Variants in PLSCR4 observed in about 807,000 individuals in gnomAD.
The protein encoded by PLSCR4 is phospholipid scramblase 4.
PLSCR4 carries 25 observed loss-of-function variants against 36.3 expected under a neutral mutation model. The observed-to-expected ratio is 0.69, with a 90% CI of 0.50 to 0.96. The LOEUF (loss-of-function observed/expected upper bound fraction) is 0.96. Ranked by LOEUF, PLSCR4 falls within the 40% of genes least tolerant of loss-of-function variation. PLSCR4 has a pLI of 0.00. For missense variants in PLSCR4, 408 were observed against 414.7 expected (o/e 0.98, Z 0.14); for synonymous variants, 122 against 132.9 (o/e 0.92, Z 0.56).
intron 3 of PLSCR4, among the ~76,000 whole-genome samples, chr3:146,214,513 G>A (rs533349591): frequency 1.5e-4 from 22 of 150,964 alleles, no homozygotes; most frequent in African/African-American, 4.4e-4. Flanking sequence ...ACTGTGTTTC[G>A]TTTTCATTCA....
chr3:146,196,133 T>C (rs1328181408), intron 7 of PLSCR4, among the ~76,000 whole-genome samples: 1 of 152,192 alleles, frequency 6.6e-6, no homozygotes, highest in African/African-American at 2.4e-5. Context: ...GAAAAAAATG[T>C]TAAAACTATT....
At chr3:146,201,142 A>T in intron 4 of PLSCR4, 65 bp from the exon 5 acceptor site, 2 of 957,332 alleles carry the variant, frequency 2.1e-6, no homozygotes, top group Non-Finnish European at 3.1e-6. Context: ...ACTGTAAAAT[A>T]AACTGATGAA....
intron 1 of PLSCR4, among the ~76,000 whole-genome samples, chr3:146,237,184 C>T (rs1190064690): frequency 2.0e-5 from 3 of 152,070 alleles, no homozygotes; most frequent in Admixed American, 6.6e-5. Context: ...CTATACTAAT[C>T]TTATACAAAT....
Position 146,206,561 on chromosome 3 carries a change from C to T in PLSCR4, c.319G>A (p.Ala107Thr). Residue 107 changes from alanine to threonine, a missense_variant, in exon 4 of 9, where the codon GCA becomes ACA. Ala to Thr is a moderately conservative substitution (Grantham distance 58). Coordinates refer to ENST00000354952, the MANE Select transcript of PLSCR4 (RefSeq NM_020353.3). Reference protein sequence around the residue: ...ITWMPGPTPMANCPPGLEYLV... With the variant: ...ITWMPGPTPMTNCPPGLEYLV... ...TATTCCAGACCAGGAGGGCAGTTTG[C>T]CATAGGAGTTGGCCCTGGCATCCAT... 6.2e-7 allele frequency: 1 copy of T among 1,613,326 alleles called. No individual in the cohort carries two copies. Among genetic ancestry groups the T allele is most frequent in the Non-Finnish European group, 8.5e-7 (1 of 1,179,528 alleles).
At chr3:146,230,274 T>C (rs960639005) in intron 1 of PLSCR4, among the ~76,000 whole-genome samples, 7 of 152,200 alleles carry the variant, frequency 4.6e-5, no homozygotes, top group Non-Finnish European at 1.0e-4. Context: ...AAAAGTAGTA[T>C]GTTTTCCTTT....
chr3:146,217,396 A>G (rs2034947842), intron 3 of PLSCR4, among the ~76,000 whole-genome samples: 2 of 152,244 alleles, frequency 1.3e-5, no homozygotes, highest in African/African-American at 4.8e-5. Flanking sequence ...TGCAGGACGA[A>G]CTGCTGTGTG....
intron 1 of PLSCR4, among the ~76,000 whole-genome samples, chr3:146,224,312 G>C (rs534038963): frequency 6.6e-6 from 1 of 152,288 alleles, no homozygotes; most frequent in East Asian, 1.9e-4. Context: ...CTGTGCACGT[G>C]GACAGAGATG....
chr3:146,206,959 T>G (rs2034369001), intron 3 of PLSCR4, among the ~76,000 whole-genome samples, 198 bp from the exon 4 acceptor site: 1 of 152,142 alleles, frequency 6.6e-6, no homozygotes, highest in Admixed American at 6.6e-5. Flanking sequence ...ATTAATTCAT[T>G]TAATCCTCTT....
intron 1 of PLSCR4, among the ~76,000 whole-genome samples, chr3:146,242,406 G>A (rs1214988162): frequency 2.0e-5 from 3 of 152,128 alleles, no homozygotes; most frequent in African/African-American, 4.8e-5. Context: ...TGTACTCACT[G>A]CTCTTTCGCA....
intron 6 of PLSCR4, 74 bp downstream of exon 6, chr3:146,199,739 T>C (rs1576448637): frequency 1.7e-6 from 2 of 1,184,906 alleles, no homozygotes; most frequent in South Asian, 2.6e-5. Context: ...CCTCCCTATG[T>C]AGTGGAAGGA....
intron 4 of PLSCR4, among the ~76,000 whole-genome samples, chr3:146,204,876 C>G (rs1411436026): frequency 1.3e-5 from 2 of 151,992 alleles, no homozygotes; most frequent in East Asian, 3.9e-4. Flanking sequence ...TACTCTAGCA[C>G]TTCACCTGAA....
intron 1 of PLSCR4, among the ~76,000 whole-genome samples, chr3:146,229,581 A>ATTTTAC (rs1553754685): frequency 7.5e-6 from 1 of 132,826 alleles, no homozygotes; most frequent in East Asian, 2.1e-4. Flanking sequence ...GATTTTTATC[A>ATTTTAC]TTTTATTTTT....
Position 146,196,695 on chromosome 3 carries a change from T to G in PLSCR4, c.723A>C (p.Glu241Asp). The G allele has an allele frequency of 6.2e-7, 1 of 1,614,052 alleles. No homozygotes were observed. The change falls in exon 7 of 9, where the codon GAA becomes GAC. Residue 241 changes from glutamate (E) to aspartate (D), a missense_variant. Glu to Asp is a conservative substitution (Grantham distance 45). Coordinates refer to ENST00000354952, the MANE Select transcript of PLSCR4 (RefSeq NM_020353.3). ...ATGGCCCACGAACTCTCATCACATT[T>G]TCTTTCTTCTCATTTTGGATGCTGT... Reference protein sequence around the residue: ...AVYSIQNEKKENVMRVRGPCS... With the variant: ...AVYSIQNEKKDNVMRVRGPCS...
intron 3 of PLSCR4, among the ~76,000 whole-genome samples, chr3:146,214,868 G>A (rs769043716): frequency 1.8e-4 from 28 of 151,950 alleles, no homozygotes; most frequent in Non-Finnish European, 2.6e-4. Flanking sequence ...TGTAAGTGGG[G>A]TATAACAGTC....
intron 1 of PLSCR4, among the ~76,000 whole-genome samples, chr3:146,233,057 A>G (rs565912623): frequency 4.0e-4 from 61 of 152,240 alleles, no homozygotes; most frequent in East Asian, 2.1e-3. Context: ...GACAAAAACA[A>G]TGCTTTATAT....
At chr3:146,219,560 C>CT (rs1217273836) in intron 3 of PLSCR4, among the ~76,000 whole-genome samples, 4 of 152,192 alleles carry the variant, frequency 2.6e-5, no homozygotes, top group Admixed American at 1.3e-4. Flanking sequence ...AATCCTGATG[C>CT]TTTCAGAAAA....
chr3:146,223,893 A>G (rs1347938635), intron 1 of PLSCR4: 1 of 147,370 alleles, frequency 6.8e-6, no homozygotes, highest in East Asian at 1.9e-4. Context: ...TTTTACATTT[A>G]TATTTTAAAT....
At chr3:146,242,156 G>A (rs1028272106) in intron 1 of PLSCR4, among the ~76,000 whole-genome samples, 6 of 152,126 alleles carry the variant, frequency 3.9e-5, no homozygotes, top group Non-Finnish European at 5.9e-5. Flanking sequence ...ATTTATGTAC[G>A]TCACTTCTTT....
Position 146,201,094 on chromosome 3 carries a change from AAG to A in PLSCR4, c.355-19_355-18del, listed in dbSNP as rs749304478. 8.0e-6 allele frequency: 12 copies of A among 1,501,034 alleles called. No individual in the cohort carries two copies. The South Asian group carries it at 1.1e-4, about 13-fold the overall frequency. The allele number at this position is 1,501,034 out of a possible 1,614,324, so 93.0% of individuals were successfully genotyped here. ...GTTGTCCAACTGTTGGGATAAAACA[AAG>A]CAATCAGAAGACAGAAATAACAGAA... On this transcript the variant is annotated intron_variant, in intron 4 of 8. Transcript: ENST00000354952.
Sources: allele counts gnomAD v4.1 joint callset (sites outside exome capture counted in the v4.1 genomes callset), GRCh38; gene constraint gnomAD v4.1.1; transcripts MANE v1.5; gene names NCBI Gene and HGNC (gene_info 2026-07-23, HGNC 2026-07-21).